ANGPTL3: variants seen among roughly 807,000 people sequenced by gnomAD.
The protein encoded by ANGPTL3 is angiopoietin like 3, also known as angiopoietin-related protein 3.
ANGPTL3 carries 51 observed loss-of-function variants against 52.7 expected under a neutral mutation model. The ratio of observed to expected loss-of-function variants is 0.97; its 90% CI spans 0.77 to 1.22. ANGPTL3 has a LOEUF of 1.22. Ranked by LOEUF, ANGPTL3 falls within the 50% of genes most tolerant of loss-of-function variation. The probability of loss-of-function intolerance (pLI) is 0.00; values close to 1 mark genes in which losing one functional copy is unlikely to be tolerated. For missense variants in ANGPTL3, 506 were observed against 520.7 expected (o/e 0.97, Z 0.27); for synonymous variants, 185 against 179.8 (o/e 1.03, Z -0.23).
chr1:62,598,691 T>A lies in ANGPTL3; in HGVS notation c.496-5T>A. The A allele has an allele frequency of 6.4e-7, 1 of 1,563,676 alleles. No homozygotes were observed. Among genetic ancestry groups the A allele is most frequent in the African/African-American group, 1.4e-5 (1 of 73,880 alleles). ...ACTTATAACCAACCTACTCTCTATA[T>A]CCAGACTTTTGTAGAAAAACAAGAT... is the stretch of plus-strand genomic sequence containing the variant. On this transcript the variant is annotated splice_polypyrimidine_tract_variant and splice_region_variant and intron_variant, in intron 1 of 6. Coordinates refer to ENST00000371129, the MANE Select transcript of ANGPTL3 (RefSeq NM_014495.4).
rs757388459 is a variant in ANGPTL3, at chr1:62,598,080, G to A, written c.495+19G>A. On this transcript the variant is annotated intron_variant, in intron 1 of 6. Transcript: ENST00000371129. ...ACTTAAAGTAAGTAGAAAATAAAGAGGGTTCATGTTTATGTTTTCAATGTG... is the reference window on the plus strand; with the variant it reads ...ACTTAAAGTAAGTAGAAAATAAAGAAGGTTCATGTTTATGTTTTCAATGTG... 1 of 1,562,450 alleles carries A rather than the reference G, an allele frequency of 6.4e-7. No homozygotes were observed. The highest frequency in any genetic ancestry group is 8.6e-7 in the Non-Finnish European group (1 of 1,160,454).
Position 62,601,810 on chromosome 1 carries a change from C to T in ANGPTL3, c.763C>T (p.His255Tyr). 1 of 1,610,000 alleles carries T rather than the reference C, an allele frequency of 6.2e-7. No homozygotes were observed. Among genetic ancestry groups the T allele is most frequent in the Non-Finnish European group, 8.5e-7 (1 of 1,177,222 alleles). The change falls in exon 4 of 7, where the codon CAT becomes TAT. Residue 255 changes from histidine (H) to tyrosine (Y), a missense_variant. Coordinates refer to ENST00000371129, the MANE Select transcript of ANGPTL3 (RefSeq NM_014495.4). ...TACCACCATTTATAACAGAGGTGAA[C>T]ATACAAGTGGCATGTATGCCATCAG... is the stretch of plus-strand genomic sequence containing the variant. Reference protein sequence around the residue: ...ECTTIYNRGEHTSGMYAIRPS... With the variant: ...ECTTIYNRGEYTSGMYAIRPS...
chr1:62,598,870 A>G, intron 2 of ANGPTL3, 64 bp downstream of exon 2: 2 of 965,488 alleles, frequency 2.1e-6, no homozygotes, highest in Non-Finnish European at 3.3e-6. Context: ...ACTGAATCCT[A>G]AAATTATTTA....
rs72641123 is a variant in ANGPTL3, at chr1:62,602,807, C to A, written c.931+427C>A. On this transcript the variant is annotated intron_variant, in intron 5 of 6. Transcript: ENST00000371129. The stretch of plus-strand genomic sequence containing the variant: ...AGTTAAAAGGACCAGGAAACTCAGA[C>A]ATACAGTATACATTTTAAAATTTCA... 4.7e-3 allele frequency among the ~76,000 whole-genome samples: 716 copies of A among 151,520 alleles called. 31 individuals are homozygous for A. The East Asian group carries it at 0.1, about 22-fold the overall frequency.
At position 62,604,131 on chromosome 1, in the gene ANGPTL3, T is replaced by C; in HGVS notation, c.1094T>C (p.Ile365Thr). 6.2e-7 allele frequency: 1 copy of C among 1,613,498 alleles called. No individual in the cohort carries two copies. Among genetic ancestry groups the C allele is most frequent in the Non-Finnish European group, 8.5e-7 (1 of 1,179,530 alleles). ...AACTATACGCTACATCTAGTTGCGA[T>C]TACTGGCAATGTCCCCAATGCAATC... ...ETNYTLHLVAITGNVPNAIPE... is the reference protein window; with the variant it reads ...ETNYTLHLVATTGNVPNAIPE... Residue 365 changes from isoleucine (I) to threonine (T), a missense_variant, in exon 6 of 7, where the codon ATT becomes ACT. Transcript: ENST00000371129.
chr1:62,601,566 T>C (rs866667379), intron 3 of ANGPTL3, among the ~76,000 whole-genome samples: 6 of 151,744 alleles, frequency 4.0e-5, no homozygotes, highest in Admixed American at 6.6e-5. Flanking sequence ...AAAAAATAAT[T>C]AATTTTTTAA....
In ANGPTL3 at chr1:62,605,667, T is replaced by C. The variant is rs1016296429; in HGVS notation, c.*850T>C. 3.9e-5 allele frequency: 6 copies of C among 152,460 alleles called. No homozygotes were observed. Among genetic ancestry groups the C allele is most frequent in the African/African-American group, 9.7e-5 (4 of 41,442 alleles). 9.4% of individuals were successfully genotyped at this position (152,460 alleles called of 1,614,324 possible). A position where few individuals can be genotyped will look rare whatever the true frequency, so the allele number is the denominator to read the frequency against. On this transcript the variant is annotated 3_prime_UTR_variant, in exon 7 of 7. Coordinates refer to ENST00000371129, the MANE Select transcript of ANGPTL3 (RefSeq NM_014495.4). ...TCCCCTAAATATGCTGTGATTCTAA[T>C]ACATTCGTGTAGGTTTTCAAGTAGA...
At chr1:62,599,380 T>C (rs1649775648) in intron 2 of ANGPTL3, among the ~76,000 whole-genome samples, 1 of 152,004 alleles carries the variant, frequency 6.6e-6, no homozygotes. Context: ...CACTCTCTGA[T>C]TTCCCTTAGG....
chr1:62,599,060 C>T (rs888372545), intron 2 of ANGPTL3, among the ~76,000 whole-genome samples: 1 of 152,000 alleles, frequency 6.6e-6, no homozygotes, highest in Non-Finnish European at 1.5e-5. Flanking sequence ...AAGATAATAA[C>T]AGAACTTATA....
intron 5 of ANGPTL3, 34 bp from the exon 6 acceptor site, chr1:62,603,931 CTTAA>C (rs1650532072): frequency 6.2e-7 from 1 of 1,601,560 alleles, no homozygotes; most frequent in African/African-American, 1.3e-5. Flanking sequence ...CCAACCTGTA[CTTAA>C]TAACTCACAG....
At chr1:62,600,462 T>A (rs867394214) in intron 2 of ANGPTL3, among the ~76,000 whole-genome samples, 44 of 151,834 alleles carry the variant, frequency 2.9e-4, no homozygotes, top group African/African-American at 1.0e-3. Flanking sequence ...TATTATATAT[T>A]CTGCTTTTCT....
In ANGPTL3 at chr1:62,604,799, T is replaced by G. The variant is rs143404279; in HGVS notation, c.1365T>G (p.Asp455Glu). The change falls in exon 7 of 7, where the codon GAT becomes GAG. Residue 455 changes from aspartate (D) to glutamate (E), a missense_variant. By Grantham distance (45) the Asp-to-Glu change is conservative. Coordinates refer to ENST00000371129, the MANE Select transcript of ANGPTL3 (RefSeq NM_014495.4). Reference sequence around the variant, plus strand: ...CCAAAATGTTGATCCATCCAACAGATTCAGAAAGCTTTGAATGAACTGAGG... The same window carrying G: ...CCAAAATGTTGATCCATCCAACAGAGTCAGAAAGCTTTGAATGAACTGAGG... ...KSTKMLIHPTDSESFE is the reference protein window; with the variant it reads ...KSTKMLIHPTESESFE 54 of 1,612,846 alleles carry G rather than the reference T, an allele frequency of 3.3e-5. No individual in the cohort carries two copies. In the Middle Eastern group the frequency reaches 8.2e-4, roughly 25 times the overall value.
At chr1:62,599,056 A>C (rs1219982779) in intron 2 of ANGPTL3, among the ~76,000 whole-genome samples, 1 of 152,112 alleles carries the variant, frequency 6.6e-6, no homozygotes, top group South Asian at 2.1e-4. Context: ...TACAAAGATA[A>C]TAACAGAACT....
At chr1:62,599,491 CT>C (rs1181928737) in intron 2 of ANGPTL3, among the ~76,000 whole-genome samples, 1 of 151,988 alleles carries the variant, frequency 6.6e-6, no homozygotes. Flanking sequence ...ACTTCCTTAG[CT>C]ACTTTTCTCC....
At chr1:62,599,746 T>C (rs555700453) in intron 2 of ANGPTL3, among the ~76,000 whole-genome samples, 2 of 152,132 alleles carry the variant, frequency 1.3e-5, no homozygotes, top group Admixed American at 1.3e-4. Context: ...CTTGGATTAC[T>C]AGAAATAGTG....
chr1:62,604,590 A>G lies in ANGPTL3; in HGVS notation c.1199-43A>G, dbSNP rs369517192. On this transcript the variant is annotated intron_variant, in intron 6 of 6. Coordinates refer to ENST00000371129, the MANE Select transcript of ANGPTL3 (RefSeq NM_014495.4). The stretch of plus-strand genomic sequence containing the variant: ...GGGGAAATACAGTAACAGTAACTAC[A>G]TACGAGTCTGTACCCATTAAATTGC... The G allele has an allele frequency of 2.9e-5, 45 of 1,572,714 alleles. No individual in the cohort carries two copies. The African/African-American group carries it at 5.5e-4, about 19-fold the overall frequency.
chr1:62,602,243 A>G (rs1365007903), intron 4 of ANGPTL3, 42 bp from the exon 5 acceptor site: 5 of 1,484,132 alleles, frequency 3.4e-6, no homozygotes, highest in Non-Finnish European at 4.7e-6. Context: ...ATCTGTCAAC[A>G]TAAATCTACT....
chr1:62,597,628 A>C lies in ANGPTL3; in HGVS notation c.62A>C (p.Gln21Pro). The change falls in exon 1 of 7, where the codon CAA becomes CCA. Residue 21 changes from glutamine (Q) to proline (P), a missense_variant. Coordinates refer to ENST00000371129, the MANE Select transcript of ANGPTL3 (RefSeq NM_014495.4). ...VPLVISSRID[Q>P]DNSSFDSLSP... ...CTAGTTATTTCCTCCAGAATTGATC[A>C]AGACAATTCATCATTTGATTCTCTA... The C allele has an allele frequency of 6.2e-7, 1 of 1,612,674 alleles. No individual in the cohort carries two copies. The highest frequency in any genetic ancestry group is 8.5e-7 in the Non-Finnish European group (1 of 1,178,984).
rs781138004 is a variant in ANGPTL3, at chr1:62,605,150, G to C, written c.*333G>C. 10 of 231,214 alleles carry C rather than the reference G, an allele frequency of 4.3e-5. No individual in the cohort carries two copies. Among genetic ancestry groups the C allele is most frequent in the Non-Finnish European group, 8.6e-5 (10 of 116,792 alleles). The allele number at this position is 231,214 out of a possible 1,614,324, so 14.3% of individuals were successfully genotyped here. On this transcript the variant is annotated 3_prime_UTR_variant, in exon 7 of 7. Transcript: ENST00000371129. ...AATTTAGAGACTTTTATTTTAAAAG[G>C]CATCATATGAGCTAATATCACAACT...
Sources: gnomAD v4.1 joint callset for allele counts (sites outside exome capture counted in the v4.1 genomes callset) on GRCh38, gnomAD v4.1.1 for gene constraint, MANE v1.5 for transcripts, NCBI Gene and HGNC (gene_info 2026-07-23, HGNC 2026-07-21) for gene names.